Variants in ZNF577 observed in about 807,000 individuals in gnomAD.
The protein encoded by ZNF577 is zinc finger protein 577.
In ZNF577, 14 loss-of-function variants were observed where a neutral mutation model predicts 13.9. That is an observed-to-expected ratio of 1.00 (90% confidence interval 0.66 to 1.57). The LOEUF (loss-of-function observed/expected upper bound fraction) is 1.57, where lower values mean the gene tolerates loss of function less well. ZNF577 is among the 40% of genes most tolerant of loss of function. ZNF577 has a pLI of 0.00. For missense variants in ZNF577, 555 were observed against 579.2 expected (o/e 0.96, Z 0.43); for synonymous variants, 203 against 202.9 (o/e 1.00, Z 0.00).
chr19:51,824,484 G>A lies in ZNF577; in HGVS notation c.*600-12810C>T, dbSNP rs1384586284. The A allele has an allele frequency of 2.5e-6, 4 of 1,613,942 alleles. No individual in the cohort carries two copies. In the African/African-American group the frequency reaches 4.0e-5, roughly 16 times the overall value. The stretch of plus-strand genomic sequence containing the variant: ...CCGTCCCTTACGTGTCTTCGCTGCT[G>A]TGGTGGCTTCTTTCTTCATCTGTTG... On this transcript the variant is annotated intron_variant and NMD_transcript_variant, in intron 9 of 10. Coordinates refer to the ZNF577 transcript ENST00000638827. This position sits in a 1 kb window ranked among gnomAD's most constrained non-coding sequence, Gnocchi z 4.7.
chr19:51,815,566 C>CT (rs1396015482), intron 9 of ZNF577, among the ~76,000 whole-genome samples: 1 of 24,668 alleles, frequency 4.1e-5, no homozygotes. Flanking sequence ...GAGACTCTGT[C>CT]TAAAAAAAAA....
intron 9 of ZNF577, among the ~76,000 whole-genome samples, chr19:51,822,916 G>A (rs2084201211): frequency 6.6e-6 from 1 of 152,102 alleles, no homozygotes; most frequent in African/African-American, 2.4e-5. Flanking sequence ...AGACTGAAGT[G>A]CAGTGGCACG....
rs1225117300 is a variant in ZNF577 at position 51,871,355 on chromosome 19, G to C, written c.*1177C>G. 3 of 151,244 alleles carry C rather than the reference G, an allele frequency of 2.0e-5. No homozygotes were observed. In the South Asian group the frequency reaches 6.3e-4, roughly 32 times the overall value. 9.4% of individuals were successfully genotyped at this position (151,244 alleles called of 1,614,324 possible). A position where few individuals can be genotyped will look rare whatever the true frequency, so the allele number is the denominator to read the frequency against. On this transcript the variant is annotated 3_prime_UTR_variant, in exon 6 of 6. Transcript: ENST00000638348. ...TGGTCTCAAACTTGCGGGCTCAAGT[G>C]ATCTTCCTGCCTTGGCCTCCCAAAG...
chr19:51,809,350 T>C (rs1455433795), intron 10 of ZNF577, among the ~76,000 whole-genome samples: 1 of 152,236 alleles, frequency 6.6e-6, no homozygotes, highest in Non-Finnish European at 1.5e-5. Flanking sequence ...GGGGGCCAAC[T>C]GTCTTTAGAT....
intron 9 of ZNF577, among the ~76,000 whole-genome samples, chr19:51,832,586 T>G (rs1055829865): frequency 1.3e-5 from 2 of 152,164 alleles, no homozygotes; most frequent in African/African-American, 4.8e-5. Flanking sequence ...GATTGTGCTT[T>G]TGGTGTCATG....
At position 51,853,770 on chromosome 19, in the gene ZNF577, T is replaced by G. The variant is rs538756969; in HGVS notation, c.284-8839A>C. The stretch of plus-strand genomic sequence containing the variant: ...TTTCAGCTTGCTAGTCTTCAGTGTG[T>G]AAGCCCCCTTCTTTCTTAAATACCA... On this transcript the variant is annotated intron_variant and NMD_transcript_variant, in intron 5 of 10. Transcript: ENST00000638827. Among the ~76,000 whole-genome samples, 11 of 152,346 alleles carry G rather than the reference T, an allele frequency of 7.2e-5. No homozygotes were observed. In the East Asian group the frequency reaches 2.1e-3, roughly 29 times the overall value.
chr19:51,846,541 C>T (rs573600154), intron 5 of ZNF577, among the ~76,000 whole-genome samples: 2 of 152,194 alleles, frequency 1.3e-5, no homozygotes, highest in Admixed American at 6.5e-5. Flanking sequence ...AACCGTGTCT[C>T]TACTAAAAAT....
At chr19:51,823,936 G>C (rs2084210457) in intron 9 of ZNF577, 1 of 1,613,996 alleles carries the variant, frequency 6.2e-7, no homozygotes, top group South Asian at 1.1e-5. Flanking sequence ...AACACCATCT[G>C]TTACCTGAAC....
intron 9 of ZNF577, chr19:51,817,837 T>C (rs1350142794): frequency 2.0e-5 from 3 of 152,214 alleles, no homozygotes; most frequent in Non-Finnish European, 4.4e-5. Context: ...CAGCTAGTGG[T>C]AAGTTGGGGT....
intron 9 of ZNF577, among the ~76,000 whole-genome samples, chr19:51,837,052 A>AAG (rs1253950579): frequency 1.3e-5 from 2 of 151,138 alleles, no homozygotes; most frequent in African/African-American, 4.9e-5. Context: ...TCAAAAAAAA[A>AAG]AAAAAAAGAA....
chr19:51,849,274 G>T (rs186157107), intron 5 of ZNF577, among the ~76,000 whole-genome samples: 3 of 152,262 alleles, frequency 2.0e-5, no homozygotes, highest in East Asian at 3.9e-4. Flanking sequence ...TATGTTCTTT[G>T]TGTTTGGGTT....
chr19:51,860,462 C>T (rs958681516), intron 5 of ZNF577: 6 of 152,516 alleles, frequency 3.9e-5, no homozygotes, highest in Admixed American at 6.5e-5. Flanking sequence ...TTATTGCCTT[C>T]GAGAATAGGA....
intron 6 of ZNF577, among the ~76,000 whole-genome samples, chr19:51,843,589 C>A (rs531273967): frequency 6.6e-6 from 1 of 152,162 alleles, no homozygotes; most frequent in Non-Finnish European, 1.5e-5. Context: ...CTGTAACCCA[C>A]CTTAGGAGCA....
intron 9 of ZNF577, chr19:51,825,016 T>C: frequency 3.6e-6 from 2 of 557,244 alleles, no homozygotes; most frequent in East Asian, 6.1e-5. Context: ...TCCAACACTA[T>C]CTACCTGGAG....
intron 1 of ZNF577, among the ~76,000 whole-genome samples, chr19:51,881,220 T>C (rs570674875): frequency 1.3e-5 from 2 of 152,170 alleles, no homozygotes; most frequent in Non-Finnish European, 1.5e-5. Context: ...GCATGTGCCC[T>C]AGAGTTCCAG....
intron 5 of ZNF577, among the ~76,000 whole-genome samples, chr19:51,854,580 A>T (rs374821799): frequency 9.4e-5 from 14 of 149,432 alleles, no homozygotes; most frequent in East Asian, 3.9e-4. Context: ...GCAATCCTCC[A>T]ATCTCAGCTT....
chr19:51,849,371 T>C (rs981254063), intron 5 of ZNF577, among the ~76,000 whole-genome samples: 3 of 152,206 alleles, frequency 2.0e-5, no homozygotes, highest in African/African-American at 7.2e-5. Context: ...GTTGAGACCT[T>C]AATTCCCAGT....
intron 9 of ZNF577, among the ~76,000 whole-genome samples, chr19:51,814,235 C>T (rs2084117924): frequency 6.6e-6 from 1 of 152,162 alleles, no homozygotes; most frequent in South Asian, 2.1e-4. Flanking sequence ...AGCCGGAGGA[C>T]AATGTCCTGA....
chr19:51,823,887 G>C lies in ZNF577; in HGVS notation c.*600-12213C>G, dbSNP rs142506547. 1.1e-5 allele frequency: 17 copies of C among 1,613,992 alleles called. No homozygotes were observed. The African/African-American group carries it at 2.0e-4, about 19-fold the overall frequency. On this transcript the variant is annotated intron_variant and NMD_transcript_variant, in intron 9 of 10. Transcript: ENST00000638827. ...CTTCGGGGTCCTGGGCAATGGGCTT[G>C]TGATCTGGGTGGCTGGATTCCGGAT...
Sources: gnomAD v4.1 joint callset for allele counts (sites outside exome capture counted in the v4.1 genomes callset) on GRCh38, gnomAD v4.1.1 for gene constraint, Gnocchi (gnomAD v3.1) non-coding constraint, MANE v1.5 for transcripts, NCBI Gene and HGNC (gene_info 2026-07-23, HGNC 2026-07-21) for gene names.